Variants in NLRP9 observed in about 807,000 individuals in gnomAD.
NLRP9 encodes the protein NACHT, LRR and PYD domains-containing protein 9.
A neutral mutation model predicts 83.1 loss-of-function variants in NLRP9; 88 were observed. The observed-to-expected ratio is 1.06, with a 90% CI of 0.89 to 1.26. NLRP9 has a LOEUF of 1.26. NLRP9 is among the 50% of genes most tolerant of loss of function. The probability of loss-of-function intolerance (pLI) is 0.00; values close to 1 mark genes in which losing one functional copy is unlikely to be tolerated. For synonymous variants in NLRP9, 521 were observed against 447.6 expected, an observed-to-expected ratio of 1.16 and a Z score of -2.07; for missense variants, 1,308 against 1,179.3, an observed-to-expected ratio of 1.11 and a Z score of -1.60.
At chr19:55,713,627 CCCT>C (rs1247515789) in intron 6 of NLRP9, among the ~76,000 whole-genome samples, 2 of 43,072 alleles carry the variant, frequency 4.6e-5, no homozygotes, top group East Asian at 7.1e-4. Flanking sequence ...CCTCTTACTC[CCCT>C]CCTCCTCCTC....
rs762872502 is a variant in NLRP9, at chr19:55,715,163, C to A, written c.2393G>T (p.Ser798Ile). 6.2e-7 allele frequency: 1 copy of A among 1,613,304 alleles called. No individual in the cohort carries two copies. The highest frequency in any genetic ancestry group is 8.5e-7 in the Non-Finnish European group (1 of 1,179,904). ...CDSISEVLLCSKSLSLLDLGS... is the reference protein window; with the variant it reads ...CDSISEVLLCIKSLSLLDLGS... ...CAGATCGAGGAGGGACAGGGACTTA[C>A]TGCACAAGAGGACTTCGGAAATGGA... Residue 798 changes from serine (S) to isoleucine (I), a missense_variant, in exon 6 of 9, where the codon AGT becomes ATT. Coordinates refer to ENST00000332836, the MANE Select transcript of NLRP9 (RefSeq NM_176820.4).
At chr19:55,711,304 T>C in intron 8 of NLRP9, 15 of 933,826 alleles carry the variant, frequency 1.6e-5, no homozygotes, top group Non-Finnish European at 1.9e-5. Flanking sequence ...AAAATTAACA[T>C]AAAAAATTCA....
At chr19:55,734,996 G>A (rs969420818) in intron 1 of NLRP9, among the ~76,000 whole-genome samples, 1 of 152,146 alleles carries the variant, frequency 6.6e-6, no homozygotes, top group Admixed American at 6.5e-5. Context: ...GAAGGGAGAA[G>A]AATTAAAATC....
chr19:55,728,745 T>C (rs1471223932), intron 3 of NLRP9, among the ~76,000 whole-genome samples: 1 of 152,126 alleles, frequency 6.6e-6, no homozygotes, highest in Non-Finnish European at 1.5e-5. Context: ...ACCAAAAAGA[T>C]GTATAAGGTG....
rs753314461 is a variant in NLRP9, at chr19:55,711,938, CA to C, written c.2704del (p.Cys902AlafsTer14). 3.1e-6 allele frequency: 5 copies of C among 1,613,024 alleles called. No homozygotes were observed. In the Admixed American group the frequency reaches 6.7e-5, roughly 22 times the overall value. ...GATGAGTGCTGCGGCGATGTCGTCG[CA>C]GCAGGCACGGGTGATCGGACACGTT... Reference protein sequence around the residue: ...LQTCPITRACCDDIAAALIAC... With the variant: ...LQTCPITRACXDDIAAALIAC... On this transcript the variant is annotated frameshift_variant, in exon 8 of 9. Coordinates refer to ENST00000332836, the MANE Select transcript of NLRP9 (RefSeq NM_176820.4). LOFTEE classifies it high-confidence loss of function.
intron 2 of NLRP9, among the ~76,000 whole-genome samples, chr19:55,730,749 G>A (rs1201223555): frequency 6.6e-6 from 1 of 152,126 alleles, no homozygotes; most frequent in Non-Finnish European, 1.5e-5. Flanking sequence ...ACACACTGGG[G>A]CCTGTTGGAG....
intron 4 of NLRP9, among the ~76,000 whole-genome samples, chr19:55,720,483 T>C (rs541288941): frequency 4.6e-5 from 7 of 152,192 alleles, no homozygotes; most frequent in Admixed American, 3.3e-4. Context: ...TCCACCACCA[T>C]ACCTAGATAA....
chr19:55,735,467 A>G (rs546633018), intron 1 of NLRP9, among the ~76,000 whole-genome samples: 3 of 152,214 alleles, frequency 2.0e-5, no homozygotes, highest in Non-Finnish European at 4.4e-5. Context: ...GAGAAAGGAA[A>G]TAAGGCCATT....
intron 1 of NLRP9, among the ~76,000 whole-genome samples, chr19:55,734,991 GAGA>G (rs1195707258): frequency 6.6e-6 from 1 of 152,166 alleles, no homozygotes; most frequent in East Asian, 1.9e-4. Context: ...ATGGGGAAGG[GAGA>G]AGAATTAAAA....
intron 6 of NLRP9, among the ~76,000 whole-genome samples, chr19:55,713,303 A>G (rs1987841276): frequency 6.6e-6 from 1 of 151,682 alleles, no homozygotes; most frequent in South Asian, 2.1e-4. Flanking sequence ...AGATAGACAG[A>G]AAAATGGTAG....
At chr19:55,727,116 G>T (rs930348691) in intron 3 of NLRP9, among the ~76,000 whole-genome samples, 12 of 152,188 alleles carry the variant, frequency 7.9e-5, no homozygotes, top group African/African-American at 2.9e-4. Context: ...GCCAGGTGTG[G>T]TGGGGGGCAC....
chr19:55,727,199 C>G (rs1988428548), intron 3 of NLRP9, among the ~76,000 whole-genome samples: 1 of 152,202 alleles, frequency 6.6e-6, no homozygotes, highest in South Asian at 2.1e-4. Flanking sequence ...TTGCAGTGAG[C>G]TGAGATTGTG....
intron 5 of NLRP9, among the ~76,000 whole-genome samples, chr19:55,716,257 C>CTTT (rs931275248): frequency 1.7e-4 from 20 of 117,802 alleles, no homozygotes; most frequent in East Asian, 2.4e-4. Flanking sequence ...TAAAAATTTT[C>CTTT]TTTTTTTTTT....
In NLRP9 at chr19:55,738,079, A is replaced by G. The variant is rs755804; in HGVS notation, c.280+16T>C. 1,040,792 of 1,611,748 alleles carry G rather than the reference A, an allele frequency of 0.65. 338,215 individuals are homozygous for G. The highest frequency in any genetic ancestry group is 0.76 in the South Asian group (69,148 of 91,008). On this transcript the variant is annotated intron_variant, in intron 1 of 8. Coordinates refer to ENST00000332836, the MANE Select transcript of NLRP9 (RefSeq NM_176820.4). The stretch of plus-strand genomic sequence containing the variant: ...GGCTTCCCCCATGGGTCCTCGCCCC[A>G]TCATCCAGCACTTACTTCTCATCTC...
intron 8 of NLRP9, among the ~76,000 whole-genome samples, chr19:55,710,409 T>G (rs1401685293): frequency 6.6e-6 from 1 of 152,084 alleles, no homozygotes; most frequent in Non-Finnish European, 1.5e-5. Context: ...CCCCCTTCAC[T>G]TGGGGTCCTC....
At position 55,733,349 on chromosome 19, in the gene NLRP9, AG is replaced by A. The variant is rs1568604369; in HGVS notation, c.481del (p.Leu161PhefsTer2). 1 of 1,614,150 alleles carries A rather than the reference AG, an allele frequency of 6.2e-7. No homozygotes were observed. The highest frequency in any genetic ancestry group is 1.7e-5 in the Admixed American group (1 of 60,016). ...CCAGTCCAACATCACTTTTCTTAAA[AG>A]GGTTGTTTTTCCAATTCCATCAGGA... ...EGPDGIGKTT[L>X]LRKVMLDWAE... On this transcript the variant is annotated frameshift_variant, in exon 2 of 9. Coordinates refer to ENST00000332836, the MANE Select transcript of NLRP9 (RefSeq NM_176820.4). LOFTEE classifies it high-confidence loss of function.
chr19:55,717,848 T>C (rs1988079849), intron 4 of NLRP9, among the ~76,000 whole-genome samples: 1 of 152,132 alleles, frequency 6.6e-6, no homozygotes, highest in Non-Finnish European at 1.5e-5. Context: ...AGCGTCCAGG[T>C]TGGCAAACAC....
chr19:55,709,008 C>CT lies in NLRP9; in HGVS notation c.2879dup (p.Ile961AspfsTer21). 1 of 1,583,808 alleles carries CT rather than the reference C, an allele frequency of 6.3e-7. No homozygotes were observed. Among genetic ancestry groups the CT allele is most frequent in the Non-Finnish European group, 8.5e-7 (1 of 1,169,806 alleles). ...TTTTTTCTTCCACAGACATCAGGAT[C>CT]TTCTGAGTTTCTTCATCAAAGCCAG... On this transcript the variant is annotated frameshift_variant, in exon 9 of 9. Coordinates refer to ENST00000332836, the MANE Select transcript of NLRP9 (RefSeq NM_176820.4). LOFTEE classifies it low-confidence loss of function (END_TRUNC).
At chr19:55,715,291 C>T (rs1321829498) in intron 5 of NLRP9, 66 bp from the exon 6 acceptor site, 11 of 1,389,540 alleles carry the variant, frequency 7.9e-6, no homozygotes, top group South Asian at 1.3e-5. Flanking sequence ...GAGAAACACA[C>T]CATCTCCCAG....
Sources: gnomAD v4.1 joint callset for allele counts (sites outside exome capture counted in the v4.1 genomes callset) on GRCh38, gnomAD v4.1.1 for gene constraint, MANE v1.5 for transcripts, NCBI Gene and HGNC (gene_info 2026-07-23, HGNC 2026-07-21) for gene names.